TF: variants seen among roughly 807,000 people sequenced by gnomAD.
TF encodes the protein transferrin, also known as serotransferrin.
A neutral mutation model predicts 82.4 loss-of-function variants in TF; 55 were observed. The ratio of observed to expected loss-of-function variants is 0.67; its 90% CI spans 0.54 to 0.84. The LOEUF (loss-of-function observed/expected upper bound fraction) is 0.84, where lower values mean the gene tolerates loss of function less well. Ranked by LOEUF, TF falls within the 40% of genes least tolerant of loss-of-function variation. The pLI, the probability that TF is intolerant of heterozygous loss-of-function variation, is 0.00. For synonymous variants in TF, 332 were observed against 332.6 expected (o/e 1.00, Z 0.02); for missense variants, 737 against 868.4 (o/e 0.85, Z 1.90).
At chr3:133,726,047 G>T in the TF span, among the ~76,000 whole-genome samples, 1 of 152,178 alleles carries the variant, frequency 6.6e-6, no homozygotes, top group African/African-American at 2.4e-5. Flanking sequence ...CGTGCTGCTG[G>T]ATTCGGTTTG....
chr3:133,690,446 C>T, the TF span, among the ~76,000 whole-genome samples: 1 of 152,156 alleles, frequency 6.6e-6, no homozygotes, highest in African/African-American at 2.4e-5. Flanking sequence ...AAAGTGATAA[C>T]ACTTCTCACT....
chr3:133,717,569 A>G, the TF span, among the ~76,000 whole-genome samples: 10 of 152,196 alleles, frequency 6.6e-5, no homozygotes, highest in South Asian at 2.1e-4. Flanking sequence ...GCAGTCAAAC[A>G]AAGACCATAG....
the TF span, among the ~76,000 whole-genome samples, chr3:133,740,272 G>A: frequency 6.6e-6 from 1 of 152,170 alleles, no homozygotes; most frequent in African/African-American, 2.4e-5. Flanking sequence ...TCATAAGTGG[G>A]AGTTGAACAA....
chr3:133,692,589 T>A, the TF span, among the ~76,000 whole-genome samples: 3 of 152,174 alleles, frequency 2.0e-5, no homozygotes, highest in East Asian at 5.8e-4. Context: ...CTAGTGTTTA[T>A]TGCCTTGAAA....
the TF span, among the ~76,000 whole-genome samples, chr3:133,730,621 A>C: frequency 1.3e-5 from 2 of 152,172 alleles, no homozygotes; most frequent in African/African-American, 4.8e-5. Flanking sequence ...TCCCAATTCT[A>C]AGAACCTGGA....
At chr3:133,699,242 G>A in the TF span, among the ~76,000 whole-genome samples, 2 of 152,248 alleles carry the variant, frequency 1.3e-5, no homozygotes, top group Admixed American at 1.3e-4. Flanking sequence ...GCCCAGCCCT[G>A]TGTCTACCTG....
At chr3:133,728,148 C>A in the TF span, among the ~76,000 whole-genome samples, 1 of 152,012 alleles carries the variant, frequency 6.6e-6, no homozygotes, top group African/African-American at 2.4e-5. Flanking sequence ...TTGTTCTTCT[C>A]GAGGAGTATC....
intron 16 of TF, chr3:133,777,512 G>A: frequency 2.3e-6 from 1 of 435,522 alleles, no homozygotes; most frequent in Non-Finnish European, 4.2e-6. Flanking sequence ...GGGTTTATGT[G>A]TACATGCCAT....
the TF span, among the ~76,000 whole-genome samples, chr3:133,731,262 T>C: frequency 6.6e-6 from 1 of 152,182 alleles, no homozygotes; most frequent in Admixed American, 6.5e-5. Context: ...TCTGAAGGTC[T>C]TGGGACTTGA....
At chr3:133,767,894 G>A in intron 12 of TF, 135 bp from the exon 13 acceptor site, 1 of 1,101,010 alleles carries the variant, frequency 9.1e-7, no homozygotes. Flanking sequence ...GGCAAGTCCT[G>A]GGTTGGTGGT....
chr3:133,689,727 TTC>T, the TF span, among the ~76,000 whole-genome samples: 5 of 152,162 alleles, frequency 3.3e-5, no homozygotes, highest in Non-Finnish European at 7.4e-5. Flanking sequence ...ATTGTCAGCT[TTC>T]TGTATATCCA....
the TF span, among the ~76,000 whole-genome samples, chr3:133,668,321 T>C: frequency 6.6e-6 from 1 of 152,042 alleles, no homozygotes; most frequent in Admixed American, 6.5e-5. Context: ...CAGATATGGA[T>C]AGAGAGGGTA....
the TF span, among the ~76,000 whole-genome samples, chr3:133,663,257 T>C: frequency 6.6e-6 from 1 of 152,064 alleles, no homozygotes; most frequent in African/African-American, 2.4e-5. Flanking sequence ...CCACTCTCTC[T>C]CTCCTAATTC....
At chr3:133,673,610 G>A in the TF span, among the ~76,000 whole-genome samples, 4 of 152,162 alleles carry the variant, frequency 2.6e-5, no homozygotes, top group Non-Finnish European at 4.4e-5. Context: ...AGAATTGTAC[G>A]TATGGTATGA....
At chr3:133,701,850 C>T in the TF span, 1 of 152,664 alleles carries the variant, frequency 6.6e-6, no homozygotes, top group African/African-American at 2.4e-5. Flanking sequence ...CTGCTGCTGC[C>T]AGTGAAGGCC....
At chr3:133,738,726 G>A in the TF span, among the ~76,000 whole-genome samples, 1 of 152,194 alleles carries the variant, frequency 6.6e-6, no homozygotes, top group African/African-American at 2.4e-5. Flanking sequence ...GCTACAAAGA[G>A]AATAAAATAC....
intron 14 of TF, chr3:133,771,007 G>C (rs1934245571): frequency 9.8e-6 from 2 of 204,986 alleles, no homozygotes; most frequent in Non-Finnish European, 2.0e-5. Context: ...CTGTACTTCT[G>C]GGTTGTGTCC....
chr3:133,726,029 C>T, the TF span, among the ~76,000 whole-genome samples: 1 of 152,186 alleles, frequency 6.6e-6, no homozygotes. Flanking sequence ...GGTGGATAAG[C>T]TTTTGGACGT....
Position 133,793,032 on chromosome 3 carries a change from T to C in TF, c.*14412T>C, listed in dbSNP as rs1934879200. On this transcript the variant is annotated 3_prime_UTR_variant, in exon 17 of 17. Coordinates refer to ENST00000402696, the MANE Select transcript of TF (RefSeq NM_001063.4). ...GGAAAGATATGTCTACAAGGTTTTC[T>C]TAAAAATTGGGGTTGACATTAATAG... 6.6e-6 allele frequency: 1 copy of C among 152,202 alleles called. No homozygotes were observed. Among genetic ancestry groups the C allele is most frequent in the African/African-American group, 2.4e-5 (1 of 41,450 alleles). 9.4% of individuals were successfully genotyped at this position (152,202 alleles called of 1,614,324 possible).
Sources: gnomAD v4.1 joint callset for allele counts (sites outside exome capture counted in the v4.1 genomes callset) on GRCh38, gnomAD v4.1.1 for gene constraint, MANE v1.5 for transcripts, NCBI Gene and HGNC (gene_info 2026-07-23, HGNC 2026-07-21) for gene names.